CFAP95: variants seen among roughly 807,000 people sequenced by gnomAD.
CFAP95 encodes the protein cilia and flagella associated protein 95, also known as cilia- and flagella-associated protein 95.
chr9:69,901,208 G>C, the CFAP95 span, among the ~76,000 whole-genome samples: 16 of 151,430 alleles, frequency 1.1e-4, no homozygotes, highest in Non-Finnish European at 2.2e-4. Flanking sequence ...CGCGATCTTG[G>C]CTCACTGCAA....
chr9:69,838,007 G>A, the CFAP95 span, among the ~76,000 whole-genome samples: 2 of 152,152 alleles, frequency 1.3e-5, no homozygotes, highest in Non-Finnish European at 2.9e-5. Context: ...CCCATTGCTT[G>A]TTTTTCTCAG....
the CFAP95 span, among the ~76,000 whole-genome samples, chr9:69,866,226 A>G: frequency 1.4e-4 from 21 of 152,232 alleles, no homozygotes; most frequent in African/African-American, 4.8e-4. Flanking sequence ...TCCGAGAAAC[A>G]GAACCAATAT....
chr9:69,904,679 C>T, the CFAP95 span, among the ~76,000 whole-genome samples: 1 of 152,138 alleles, frequency 6.6e-6, no homozygotes, highest in African/African-American at 2.4e-5. Flanking sequence ...GAAGATCTCA[C>T]CTCCCTTTGA....
At chr9:69,906,162 T>C in the CFAP95 span, 31 of 1,538,604 alleles carry the variant, frequency 2.0e-5, no homozygotes, top group Non-Finnish European at 2.3e-5. Context: ...TCAGCATCTC[T>C]GACTAATGAA....
At chr9:69,850,892 A>G in the CFAP95 span, among the ~76,000 whole-genome samples, 1 of 152,114 alleles carries the variant, frequency 6.6e-6, no homozygotes, top group Non-Finnish European at 1.5e-5. Flanking sequence ...TTCCTGTGTT[A>G]GGAATTCCGT....
At chr9:69,886,012 G>A in the CFAP95 span, among the ~76,000 whole-genome samples, 1 of 152,174 alleles carries the variant, frequency 6.6e-6, no homozygotes, top group Non-Finnish European at 1.5e-5. Context: ...CAATTTGTAA[G>A]TTTTAACTTG....
chr9:69,897,717 G>A, the CFAP95 span, among the ~76,000 whole-genome samples: 7 of 152,134 alleles, frequency 4.6e-5, no homozygotes, highest in African/African-American at 1.7e-4. Context: ...AGTAAGGATA[G>A]AGCATACAAG....
At chr9:69,824,534 A>G in the CFAP95 span, among the ~76,000 whole-genome samples, 2 of 150,518 alleles carry the variant, frequency 1.3e-5, no homozygotes, top group South Asian at 2.1e-4. Flanking sequence ...GTAAACAAGT[A>G]TCCTTTTCAT....
the CFAP95 span, among the ~76,000 whole-genome samples, chr9:69,834,697 T>C: frequency 2.0e-5 from 3 of 152,246 alleles, no homozygotes; most frequent in Non-Finnish European, 4.4e-5. Flanking sequence ...ACTCAATATA[T>C]GCTCAGTGGA....
chr9:69,841,381 C>T, the CFAP95 span, among the ~76,000 whole-genome samples: 1 of 151,308 alleles, frequency 6.6e-6, no homozygotes, highest in Non-Finnish European at 1.5e-5. Flanking sequence ...AAGAATGACC[C>T]AGCAGGTAAC....
the CFAP95 span, among the ~76,000 whole-genome samples, chr9:69,874,394 G>T: frequency 1.3e-5 from 2 of 152,148 alleles, no homozygotes; most frequent in African/African-American, 4.8e-5. Flanking sequence ...AAGGGGAGTT[G>T]GTTACGTGAT....
At chr9:69,886,770 A>G in the CFAP95 span, 1 of 1,144,916 alleles carries the variant, frequency 8.7e-7, no homozygotes, top group Non-Finnish European at 1.3e-6. Context: ...TAAAGTGTAT[A>G]CCAATAAAAA....
chr9:69,855,614 C>A, the CFAP95 span, among the ~76,000 whole-genome samples: 2 of 152,068 alleles, frequency 1.3e-5, no homozygotes, highest in African/African-American at 2.4e-5. Context: ...TCTTGGAGAG[C>A]AGTGCTCTGA....
chr9:69,857,692 T>A, the CFAP95 span, among the ~76,000 whole-genome samples: 1 of 151,730 alleles, frequency 6.6e-6, no homozygotes, highest in Non-Finnish European at 1.5e-5. Flanking sequence ...GTCCGGCTAA[T>A]TTTTTTTGTA....
At chr9:69,875,230 T>C in the CFAP95 span, among the ~76,000 whole-genome samples, 6,663 of 151,376 alleles carry the variant, frequency 0.044, 459 homozygotes, top group African/African-American at 0.15. Context: ...TTTAAGGGGG[T>C]GAGGGAAGGA....
At chr9:69,848,704 G>A in the CFAP95 span, among the ~76,000 whole-genome samples, 3 of 152,322 alleles carry the variant, frequency 2.0e-5, no homozygotes, top group African/African-American at 7.2e-5. Flanking sequence ...GAAGCCAACT[G>A]TGCCCCCTGT....
the CFAP95 span, among the ~76,000 whole-genome samples, chr9:69,822,917 A>G: frequency 3.3e-5 from 5 of 152,256 alleles, no homozygotes; most frequent in African/African-American, 1.2e-4. Context: ...TGTTGGGGAC[A>G]TAGAGGTAGA....
At chr9:69,901,994 GA>G in the CFAP95 span, among the ~76,000 whole-genome samples, 1 of 152,116 alleles carries the variant, frequency 6.6e-6, no homozygotes, top group African/African-American at 2.4e-5. Context: ...CTTCTTTTGA[GA>G]AGTGTCTGTT....
chr9:69,824,558 CT>C, the CFAP95 span, among the ~76,000 whole-genome samples: 2,789 of 138,554 alleles, frequency 0.02, 54 homozygotes, highest in African/African-American at 0.052. Flanking sequence ...CTATTTAATG[CT>C]TTTTTTTTTT....
Sources: gnomAD v4.1 joint callset for allele counts (sites outside exome capture counted in the v4.1 genomes callset) on GRCh38, gnomAD v4.1.1 for gene constraint, MANE v1.5 for transcripts, NCBI Gene and HGNC (gene_info 2026-07-23, HGNC 2026-07-21) for gene names.